NKAIN2: variants seen among roughly 807,000 people sequenced by gnomAD.
NKAIN2 encodes sodium/potassium transporting ATPase interacting 2.
A neutral mutation model predicts 32.6 loss-of-function variants in NKAIN2; 14 were observed. The observed-to-expected ratio is 0.43, with a 90% CI of 0.28 to 0.67. The LOEUF is 0.67. Among genes scored for constraint, NKAIN2 ranks in the 30% least tolerant of loss-of-function variants. NKAIN2 has a pLI of 0.17. For missense variants in NKAIN2, 198 were observed against 258.3 expected, an observed-to-expected ratio of 0.77 and a Z score of 1.60; for synonymous variants, 80 against 87.2, an observed-to-expected ratio of 0.92 and a Z score of 0.46.
intron 1 of NKAIN2, among the ~76,000 whole-genome samples, chr6:123,984,088 G>C (rs1779026767): frequency 6.6e-6 from 1 of 151,996 alleles, no homozygotes; most frequent in Non-Finnish European, 1.5e-5. Flanking sequence ...TGTATTTTTA[G>C]TAGAGACAGA....
intron 1 of NKAIN2, among the ~76,000 whole-genome samples, chr6:124,167,763 T>G (rs569297721): frequency 6.6e-6 from 1 of 152,362 alleles, no homozygotes; most frequent in South Asian, 2.1e-4. Flanking sequence ...CTTTTCTGCA[T>G]CTATTGAGAT....
intron 1 of NKAIN2, among the ~76,000 whole-genome samples, chr6:123,943,995 T>A (rs1329144878): frequency 6.6e-6 from 1 of 152,068 alleles, no homozygotes; most frequent in African/African-American, 2.4e-5. Context: ...TAGATAAATA[T>A]TATTTGCAGG....
chr6:124,299,215 CAGAATATCAGTGCTT>C (rs1433817379), intron 2 of NKAIN2, among the ~76,000 whole-genome samples: 2 of 152,128 alleles, frequency 1.3e-5, no homozygotes, highest in Non-Finnish European at 2.9e-5. Context: ...TAAGAGATAT[CAGAATATCAGTGCTT>C]AGAAGACACA....
intron 1 of NKAIN2, among the ~76,000 whole-genome samples, chr6:124,061,020 T>C (rs1782897651): frequency 6.6e-6 from 1 of 152,156 alleles, no homozygotes; most frequent in Non-Finnish European, 1.5e-5. Context: ...GCTTTCAGCA[T>C]GTATAACATG....
intron 2 of NKAIN2, among the ~76,000 whole-genome samples, chr6:124,336,673 T>C (rs547915812): frequency 0.013 from 1,931 of 147,126 alleles, 61 homozygotes; most frequent in African/African-American, 0.045. Context: ...AGTTTGTTTT[T>C]TTTTGTTTGT....
chr6:124,008,161 G>A (rs1780161136), intron 1 of NKAIN2, among the ~76,000 whole-genome samples: 1 of 152,120 alleles, frequency 6.6e-6, no homozygotes, highest in Admixed American at 6.5e-5. Flanking sequence ...TTAAACCTGA[G>A]CTCTCCGATC....
intron 1 of NKAIN2, among the ~76,000 whole-genome samples, chr6:124,262,826 G>A (rs996148253): frequency 6.6e-6 from 1 of 152,134 alleles, no homozygotes; most frequent in Non-Finnish European, 1.5e-5. Context: ...CTCACATTGT[G>A]TATTGCTGTG....
At chr6:124,641,073 A>G (rs192883547) in intron 3 of NKAIN2, among the ~76,000 whole-genome samples, 26 of 152,344 alleles carry the variant, frequency 1.7e-4, no homozygotes, top group African/African-American at 6.3e-4. Context: ...TTAAGAAAAA[A>G]GCAACTGACT....
intron 1 of NKAIN2, among the ~76,000 whole-genome samples, chr6:123,844,272 C>G (rs1028446574): frequency 6.6e-6 from 1 of 152,132 alleles, no homozygotes; most frequent in East Asian, 1.9e-4. Flanking sequence ...GGGAACCAGA[C>G]GTACAGAGCA....
At chr6:124,601,201 A>G (rs9401756) in intron 3 of NKAIN2, among the ~76,000 whole-genome samples, 26,116 of 152,092 alleles carry the variant, frequency 0.17, 2,370 homozygotes, top group Middle Eastern at 0.25. Flanking sequence ...CCACTTTAAA[A>G]AGGTTACAAG....
intron 1 of NKAIN2, among the ~76,000 whole-genome samples, chr6:123,892,268 G>C (rs1004647676): frequency 1.3e-5 from 2 of 152,116 alleles, no homozygotes; most frequent in Non-Finnish European, 2.9e-5. Context: ...TTCAATGACT[G>C]TATTAGTCCA....
chr6:123,859,883 G>A (rs11967522), intron 1 of NKAIN2, among the ~76,000 whole-genome samples: 40,297 of 151,954 alleles, frequency 0.27, 6,035 homozygotes, highest in Non-Finnish European at 0.33. Context: ...TAGAAACGGA[G>A]TTTTGCCATG....
chr6:124,032,652 G>A (rs978340877), intron 1 of NKAIN2, among the ~76,000 whole-genome samples: 3 of 151,918 alleles, frequency 2.0e-5, no homozygotes, highest in Non-Finnish European at 4.4e-5. Context: ...CACAAGTGGG[G>A]ACTACAAAGC....
chr6:124,313,688 G>A (rs568996822), intron 2 of NKAIN2, among the ~76,000 whole-genome samples: 1 of 152,184 alleles, frequency 6.6e-6, no homozygotes, highest in Non-Finnish European at 1.5e-5. Context: ...TCTCACTATT[G>A]ATTCTTGAAA....
chr6:124,651,808 A>G (rs1044884435), intron 3 of NKAIN2, among the ~76,000 whole-genome samples: 1 of 152,172 alleles, frequency 6.6e-6, no homozygotes, highest in Admixed American at 6.5e-5. Flanking sequence ...AAGATCACAG[A>G]AATGCCTTCA....
intron 1 of NKAIN2, among the ~76,000 whole-genome samples, chr6:124,262,238 G>T (rs1371031576): frequency 6.6e-6 from 1 of 152,124 alleles, no homozygotes; most frequent in Admixed American, 6.6e-5. Flanking sequence ...CAAATATCAT[G>T]CACTCATAAT....
chr6:124,058,993 C>A (rs1314628447), intron 1 of NKAIN2, among the ~76,000 whole-genome samples: 1 of 151,792 alleles, frequency 6.6e-6, no homozygotes, highest in African/African-American at 2.4e-5. Context: ...TAAGTTAGGA[C>A]AACAGGCATA....
intron 1 of NKAIN2, among the ~76,000 whole-genome samples, chr6:124,276,263 C>T (rs907996405): frequency 6.7e-6 from 1 of 149,630 alleles, no homozygotes; most frequent in Non-Finnish European, 1.5e-5. Flanking sequence ...TTTAGTAATA[C>T]CTAACAATTT....
intron 3 of NKAIN2, among the ~76,000 whole-genome samples, chr6:124,656,658 C>A (rs1003497863): frequency 6.6e-6 from 1 of 151,938 alleles, no homozygotes; most frequent in Non-Finnish European, 1.5e-5. Flanking sequence ...TTTAACACTC[C>A]CTCCCTCATG....
Sources: gnomAD v4.1 joint callset for allele counts (sites outside exome capture counted in the v4.1 genomes callset) on GRCh38, gnomAD v4.1.1 for gene constraint, MANE v1.5 for transcripts, NCBI Gene and HGNC (gene_info 2026-07-23, HGNC 2026-07-21) for gene names.